Variants in NPHS1 observed in about 807,000 individuals in gnomAD.
NPHS1 encodes NPHS1 adhesion molecule, nephrin.
NPHS1 carries 107 observed loss-of-function variants against 139.7 expected under a neutral mutation model. That is an observed-to-expected ratio of 0.77 (90% CI 0.66 to 0.90). The LOEUF (loss-of-function observed/expected upper bound fraction) is 0.90, where lower values mean the gene tolerates loss of function less well. NPHS1 is among the 40% of genes least tolerant of loss of function. The pLI, the probability that NPHS1 is intolerant of heterozygous loss-of-function variation, is 0.00. For missense variants in NPHS1, 1,580 were observed against 1,654.2 expected (o/e 0.96, Z 0.78); for synonymous variants, 707 against 706.6 (o/e 1.00, Z -0.01).
intron 21 of NPHS1, 24 bp downstream of exon 21, chr19:35,839,472 C>T: frequency 3.1e-6 from 5 of 1,613,132 alleles, no homozygotes; most frequent in South Asian, 1.1e-5. Context: ...CATTCCCTTC[C>T]CTCCTGCCTC....
rs1555758856 is a variant in NPHS1 at position 35,830,843 on chromosome 19, C to T, written c.3594+1G>A. On this transcript the variant is annotated splice_donor_variant, in intron 28 of 28. Coordinates refer to ENST00000378910, the MANE Select transcript of NPHS1 (RefSeq NM_004646.4). LOFTEE classifies it high-confidence loss of function. ...ATGGTTGCTGATGCAAAGCTTCTCA[C>T]CATCTGCACTTCATCGTAGAGGGGT... is the stretch of plus-strand genomic sequence containing the variant. 1.9e-6 allele frequency: 3 copies of T among 1,572,022 alleles called. No individual in the cohort carries two copies. Among genetic ancestry groups the T allele is most frequent in the Non-Finnish European group, 1.8e-6 (2 of 1,141,542 alleles).
chr19:35,841,230 G>A (rs955016091), intron 20 of NPHS1, among the ~76,000 whole-genome samples: 1 of 152,068 alleles, frequency 6.6e-6, no homozygotes, highest in Middle Eastern at 3.4e-3. Context: ...AAAATTAGCT[G>A]GGTGTGGTGG....
At chr19:35,834,259 A>G (rs1972924069) in intron 23 of NPHS1, among the ~76,000 whole-genome samples, 1 of 152,102 alleles carries the variant, frequency 6.6e-6, no homozygotes, top group African/African-American at 2.4e-5. Context: ...GAAAAAGTCA[A>G]GAAGAGACAC....
chr19:35,844,131 C>G lies in NPHS1; in HGVS notation c.2184G>C (p.Ala728=). ...QLHCQNSEGT[A]EARLRLDVHY... The stretch of plus-strand genomic sequence containing the variant: ...GCACGTCCAGCCGCAGCCGCGCTTC[C>G]GCGGTGCCCTCAGAGTTCTGGCAGT... The change falls in exon 16 of 29, where the codon GCG becomes GCC. Residue 728 remains alanine (A), a synonymous_variant. Transcript: ENST00000378910. The G allele has an allele frequency of 1.2e-6, 2 of 1,608,982 alleles. No homozygotes were observed. The highest frequency in any genetic ancestry group is 1.7e-6 in the Non-Finnish European group (2 of 1,179,954).
At chr19:35,838,197 C>T (rs1000517160) in intron 22 of NPHS1, among the ~76,000 whole-genome samples, 3 of 149,336 alleles carry the variant, frequency 2.0e-5, no homozygotes, top group South Asian at 2.1e-4. Flanking sequence ...TGAGCCGAGA[C>T]GGCACCATTG....
intron 20 of NPHS1, among the ~76,000 whole-genome samples, chr19:35,841,471 T>A (rs1973054713): frequency 6.6e-6 from 1 of 152,236 alleles, no homozygotes; most frequent in South Asian, 2.1e-4. Context: ...ATTTTTCAGT[T>A]ACTTGAGCTA....
intron 23 of NPHS1, 63 bp downstream of exon 23, chr19:35,835,642 G>A: frequency 7.0e-7 from 1 of 1,420,924 alleles, no homozygotes; most frequent in Non-Finnish European, 9.9e-7. Context: ...AGGAGGTAGG[G>A]TCAGAGACCA....
At chr19:35,842,639 T>C in intron 17 of NPHS1, 89 bp from the exon 18 acceptor site, 1 of 1,331,248 alleles carries the variant, frequency 7.5e-7, no homozygotes, top group Admixed American at 1.7e-5. Context: ...CTCATTCTCC[T>C]AGCCACAATC....
At chr19:35,833,556 C>T (rs1423925730) in intron 23 of NPHS1, among the ~76,000 whole-genome samples, 1 of 152,184 alleles carries the variant, frequency 6.6e-6, no homozygotes, top group Non-Finnish European at 1.5e-5. Flanking sequence ...GGCTTCTCTG[C>T]CCCTCTGATT....
At position 35,851,779 on chromosome 19, in the gene NPHS1, C is replaced by T. The variant is rs386833954; in HGVS notation, c.58+1G>A. 6.4e-7 allele frequency: 1 copy of T among 1,553,702 alleles called. No homozygotes were observed. Among genetic ancestry groups the T allele is most frequent in the African/African-American group, 1.4e-5 (1 of 73,172 alleles). On this transcript the variant is annotated splice_donor_variant, in intron 1 of 28. Transcript: ENST00000378910. LOFTEE classifies it high-confidence loss of function. ...GGGTACAAGGCTGGGATCCCACTCA[C>T]CTTCAGTCAGCAGCCCCAGGAGCAG...
chr19:35,850,263 G>A (rs1461938921), intron 5 of NPHS1, 101 bp downstream of exon 5: 2 of 913,124 alleles, frequency 2.2e-6, no homozygotes, highest in East Asian at 2.4e-5. Flanking sequence ...GGTCCCAGAT[G>A]TTCATACCTA....
In NPHS1 at chr19:35,846,175, T is replaced by C; in HGVS notation, c.1460A>G (p.Glu487Gly). Residue 487 changes from glutamate (E) to glycine (G), a missense_variant, in exon 12 of 29, where the codon GAG becomes GGG. By Grantham distance (98) the Glu-to-Gly change is moderately conservative. Coordinates refer to ENST00000378910, the MANE Select transcript of NPHS1 (RefSeq NM_004646.4). The part of the protein sequence containing the change: ...MWYKDSRTVT[E>G]SRLPQESRRV... ...CCGCGACTCCTGCGGCAGCCGCGAC[T>C]CGGTCACGGTGCGCGAGTCCTACGG... 6.3e-7 allele frequency: 1 copy of C among 1,593,750 alleles called. No individual in the cohort carries two copies. Among genetic ancestry groups the C allele is most frequent in the Non-Finnish European group, 8.5e-7 (1 of 1,172,056 alleles).
At chr19:35,840,500 A>G (rs1973039443) in intron 20 of NPHS1, among the ~76,000 whole-genome samples, 1 of 143,882 alleles carries the variant, frequency 7.0e-6, no homozygotes, top group Non-Finnish European at 1.5e-5. Flanking sequence ...ATGCCCGGCT[A>G]ATTTTCTGTA....
intron 28 of NPHS1, among the ~76,000 whole-genome samples, chr19:35,827,913 T>A (rs1972819542): frequency 6.6e-6 from 1 of 152,084 alleles, no homozygotes; most frequent in Non-Finnish European, 1.5e-5. Context: ...CAAGCCTCCA[T>A]CTCAAAAATA....
Position 35,845,661 on chromosome 19 carries a change from A to T in NPHS1, c.1757+8T>A. The T allele has an allele frequency of 6.2e-7, 1 of 1,612,770 alleles. No individual in the cohort carries two copies. The highest frequency in any genetic ancestry group is 1.7e-5 in the Admixed American group (1 of 59,868). On this transcript the variant is annotated splice_region_variant and intron_variant, in intron 13 of 28. Coordinates refer to ENST00000378910, the MANE Select transcript of NPHS1 (RefSeq NM_004646.4). The surrounding 1 kb of genome is among the most constrained non-coding windows in gnomAD (Gnocchi z 5.5). ...ACCAGAGAGGGGAGGGATCCCTCGC[A>T]CTCCCACCTCTCCCCTTCCTTGTCC...
intron 22 of NPHS1, among the ~76,000 whole-genome samples, chr19:35,836,777 C>G (rs1465334287): frequency 2.6e-5 from 4 of 151,668 alleles, no homozygotes; most frequent in African/African-American, 9.7e-5. Flanking sequence ...GGTGGATCAC[C>G]TGAGGTTAGG....
chr19:35,847,034 A>ATTTTC (rs376927312), intron 11 of NPHS1, among the ~76,000 whole-genome samples: 3,521 of 151,728 alleles, frequency 0.023, 113 homozygotes, highest in African/African-American at 0.076. Context: ...TTTTCTCCAA[A>ATTTTC]TTTTCTTTTC....
At chr19:35,828,808 G>A (rs1972834404) in intron 28 of NPHS1, among the ~76,000 whole-genome samples, 2 of 152,312 alleles carry the variant, frequency 1.3e-5, no homozygotes, top group East Asian at 1.9e-4. Flanking sequence ...GGCCCTGTTC[G>A]GAAAAAGCGT....
chr19:35,839,723 C>T, intron 20 of NPHS1, 116 bp from the exon 21 acceptor site: 1 of 811,972 alleles, frequency 1.2e-6, no homozygotes, highest in South Asian at 1.4e-5. Context: ...TTGTTCATAG[C>T]ATACTCATGT....
Sources: gnomAD v4.1 joint callset for allele counts (sites outside exome capture counted in the v4.1 genomes callset) on GRCh38, gnomAD v4.1.1 for gene constraint, Gnocchi (gnomAD v3.1) non-coding constraint, MANE v1.5 for transcripts, NCBI Gene and HGNC (gene_info 2026-07-23, HGNC 2026-07-21) for gene names.